Variants in PTPRD observed in about 807,000 individuals in gnomAD.
PTPRD encodes the protein receptor-type tyrosine-protein phosphatase delta.
In PTPRD, 34 loss-of-function variants were observed where a neutral mutation model predicts 214.5. That is an observed-to-expected ratio of 0.16 (90% CI 0.12 to 0.21). The LOEUF (loss-of-function observed/expected upper bound fraction) is 0.21, where lower values mean the gene tolerates loss of function less well. PTPRD is among the 10% of genes least tolerant of loss of function. PTPRD has a pLI of 1.00. For synonymous variants in PTPRD, 1,128 were observed against 845.7 expected (o/e 1.33, Z -5.79); for missense variants, 2,545 against 2,398.7 (o/e 1.06, Z -1.27).
rs547610234 is a variant in PTPRD at position 8,783,032 on chromosome 9, A to G, written c.-103-49086T>C. Among the ~76,000 whole-genome samples the G allele has an allele frequency of 2.2e-3, 336 of 152,266 alleles. 2 individuals are homozygous for G. Among genetic ancestry groups the G allele is most frequent in the Middle Eastern group, 6.8e-3 (2 of 294 alleles). On this transcript the variant is annotated intron_variant, in intron 11 of 45. Transcript: ENST00000381196. ...TTCTCCATCCAACTAAATCTTACCC[A>G]TTCCTCAAGACTCAATTTCAGTTTT...
intron 2 of PTPRD, among the ~76,000 whole-genome samples, chr9:10,429,743 G>C (rs2098659632): frequency 6.6e-6 from 1 of 151,012 alleles, no homozygotes; most frequent in Non-Finnish European, 1.5e-5. Context: ...GGGGCTAAGG[G>C]GAGTGGAAGG....
chr9:10,528,276 T>G (rs78554673), intron 2 of PTPRD, among the ~76,000 whole-genome samples: 5,938 of 152,286 alleles, frequency 0.039, 166 homozygotes, highest in Middle Eastern at 0.078. Flanking sequence ...ACCACAGACC[T>G]GCTGTGCATC....
chr9:8,327,738 T>C (rs1260690909), intron 44 of PTPRD, among the ~76,000 whole-genome samples: 1 of 152,208 alleles, frequency 6.6e-6, no homozygotes, highest in Non-Finnish European at 1.5e-5. Flanking sequence ...GGTTCATATA[T>C]ATTTAGGATA....
chr9:9,399,836 T>G (rs2069493930), intron 8 of PTPRD, among the ~76,000 whole-genome samples: 1 of 152,032 alleles, frequency 6.6e-6, no homozygotes, highest in South Asian at 2.1e-4. Flanking sequence ...ATGAATCAAT[T>G]AAACATCTTT....
chr9:10,067,265 T>C (rs1256209134), intron 3 of PTPRD, among the ~76,000 whole-genome samples: 1 of 151,910 alleles, frequency 6.6e-6, no homozygotes, highest in Non-Finnish European at 1.5e-5. Context: ...CAAATGTAGC[T>C]CTCCCTTAGC....
chr9:9,688,943 A>C (rs2097213514), intron 7 of PTPRD, among the ~76,000 whole-genome samples: 2 of 151,912 alleles, frequency 1.3e-5, no homozygotes, highest in Admixed American at 6.6e-5. Flanking sequence ...TAAACAGTAG[A>C]TATAGATACA....
At chr9:8,581,303 T>C (rs1018813017) in intron 14 of PTPRD, among the ~76,000 whole-genome samples, 10 of 151,664 alleles carry the variant, frequency 6.6e-5, no homozygotes, top group African/African-American at 1.5e-4. Flanking sequence ...TAGGTAAAAA[T>C]AGAAATTGGT....
intron 9 of PTPRD, among the ~76,000 whole-genome samples, chr9:9,270,199 A>T (rs566194360): frequency 1.3e-5 from 2 of 151,278 alleles, no homozygotes; most frequent in African/African-American, 2.4e-5. Flanking sequence ...CACATTAAAT[A>T]TGAACAATTA....
intron 9 of PTPRD, among the ~76,000 whole-genome samples, chr9:9,309,847 G>A (rs73390840): frequency 0.16 from 23,776 of 152,068 alleles, 1,939 homozygotes; most frequent in African/African-American, 0.18. Context: ...TTGGAATAGT[G>A]GCTCTATTCT....
At chr9:8,485,154 C>T in intron 29 of PTPRD, 73 bp downstream of exon 29, 1 of 1,310,340 alleles carries the variant, frequency 7.6e-7, no homozygotes, top group South Asian at 1.3e-5. Flanking sequence ...GCTTGCTGTG[C>T]AAATAACTTA....
intron 14 of PTPRD, among the ~76,000 whole-genome samples, chr9:8,596,056 T>C (rs138696622): frequency 6.6e-6 from 1 of 152,296 alleles, no homozygotes; most frequent in Admixed American, 6.5e-5. Flanking sequence ...GTATCAGAGA[T>C]TCTAAACATA....
chr9:9,582,803 G>T (rs1441094113), intron 7 of PTPRD, among the ~76,000 whole-genome samples: 3 of 151,960 alleles, frequency 2.0e-5, no homozygotes, highest in African/African-American at 7.2e-5. Flanking sequence ...TAACGTGTTA[G>T]TATATATTAG....
At chr9:9,441,663 C>A (rs907351465) in intron 8 of PTPRD, among the ~76,000 whole-genome samples, 1 of 152,008 alleles carries the variant, frequency 6.6e-6, no homozygotes, top group Non-Finnish European at 1.5e-5. Context: ...AATTCTGAAT[C>A]AATGAGGCCA....
chr9:9,739,004 G>C (rs557747518), intron 6 of PTPRD, among the ~76,000 whole-genome samples: 11 of 152,136 alleles, frequency 7.2e-5, no homozygotes, highest in South Asian at 2.1e-4. Context: ...TGATTTCTTA[G>C]TGAGGAACCT....
intron 8 of PTPRD, among the ~76,000 whole-genome samples, chr9:9,473,975 C>T (rs574001719): frequency 1.3e-5 from 2 of 151,720 alleles, no homozygotes; most frequent in African/African-American, 4.8e-5. Context: ...TGATATAGTC[C>T]ATTTGTCTAT....
At chr9:9,948,270 A>G (rs1022337114) in intron 4 of PTPRD, among the ~76,000 whole-genome samples, 7 of 152,074 alleles carry the variant, frequency 4.6e-5, no homozygotes, top group African/African-American at 1.7e-4. Context: ...CTCTATCAAC[A>G]CGACTTTCAC....
At chr9:9,052,712 G>C (rs2099688614) in intron 10 of PTPRD, among the ~76,000 whole-genome samples, 1 of 152,160 alleles carries the variant, frequency 6.6e-6, no homozygotes, top group Admixed American at 6.5e-5. Context: ...GGATTATACT[G>C]TCCACATAAG....
At chr9:9,640,061 TGA>T (rs2095887089) in intron 7 of PTPRD, among the ~76,000 whole-genome samples, 2 of 152,186 alleles carry the variant, frequency 1.3e-5, no homozygotes, top group South Asian at 4.1e-4. Flanking sequence ...AACTGAACCT[TGA>T]TTTCATCTTA....
chr9:9,999,101 G>A (rs1015886707), intron 4 of PTPRD, among the ~76,000 whole-genome samples: 2 of 152,090 alleles, frequency 1.3e-5, no homozygotes, highest in Admixed American at 6.6e-5. Context: ...GCCAACCCCA[G>A]GAAATGAAAC....
Sources: allele counts gnomAD v4.1 joint callset (sites outside exome capture counted in the v4.1 genomes callset), GRCh38; gene constraint gnomAD v4.1.1; transcripts MANE v1.5; gene names NCBI Gene and HGNC (gene_info 2026-07-23, HGNC 2026-07-21).